NKAIN3: variants seen among roughly 807,000 people sequenced by gnomAD.
NKAIN3 encodes the protein sodium/potassium transporting ATPase interacting 3.
In NKAIN3, 25 loss-of-function variants were observed where a neutral mutation model predicts 30.2. The ratio of observed to expected loss-of-function variants is 0.83; its 90% CI spans 0.60 to 1.16. The LOEUF (loss-of-function observed/expected upper bound fraction) is 1.16, where lower values mean the gene tolerates loss of function less well. Ranked by LOEUF, NKAIN3 falls within the 50% of genes most tolerant of loss-of-function variation. The pLI is 0.00. For missense variants in NKAIN3, 225 were observed against 254.1 expected, an observed-to-expected ratio of 0.89 and a Z score of 0.78; for synonymous variants, 91 against 89.6, an observed-to-expected ratio of 1.02 and a Z score of -0.09.
chr8:62,788,875 T>C (rs1817612153), intron 4 of NKAIN3, among the ~76,000 whole-genome samples: 1 of 152,204 alleles, frequency 6.6e-6, no homozygotes, highest in African/African-American at 2.4e-5. Flanking sequence ...GAGGGCTCTG[T>C]TCTGTTCCAT....
rs185449492 is a variant in NKAIN3 at position 62,414,590 on chromosome 8, A to C, written c.55-164949A>C. On this transcript the variant is annotated intron_variant, in intron 1 of 6. Transcript: ENST00000623646. The stretch of plus-strand genomic sequence containing the variant: ...TCAACTTTTCTAGATATTTTCTATA[A>C]ATTGGATCCAATAAAGTACAATAAA... 2.4e-3 allele frequency among the ~76,000 whole-genome samples: 363 copies of C among 152,266 alleles called. 2 individuals carry two copies. Among genetic ancestry groups the C allele is most frequent in the African/African-American group, 8.5e-3 (352 of 41,568 alleles).
At position 62,313,289 on chromosome 8, in the gene NKAIN3, G is replaced by A. The variant is rs57423424; in HGVS notation, c.54+64162G>A. On this transcript the variant is annotated intron_variant, in intron 1 of 6. Transcript: ENST00000623646. ...AATCAAGAATTTCCTTTAGGAAATC[G>A]TTCTGCAGATTGAATGAAGTGAGGT... 9.1e-3 allele frequency among the ~76,000 whole-genome samples: 1,381 copies of A among 152,150 alleles called. 30 individuals carry two copies. Among genetic ancestry groups the A allele is most frequent in the African/African-American group, 0.031 (1,303 of 41,506 alleles).
chr8:62,435,300 G>A (rs1158932755), intron 1 of NKAIN3, among the ~76,000 whole-genome samples: 1 of 152,038 alleles, frequency 6.6e-6, no homozygotes, highest in Non-Finnish European at 1.5e-5. Context: ...CTGACTCATA[G>A]CAGCATCAGA....
chr8:62,307,957 A>G (rs1469919569), intron 1 of NKAIN3, among the ~76,000 whole-genome samples: 1 of 150,438 alleles, frequency 6.6e-6, no homozygotes, highest in Middle Eastern at 3.4e-3. Context: ...AGAGCTGGTC[A>G]GAAGTGATTG....
intron 3 of NKAIN3, among the ~76,000 whole-genome samples, chr8:62,694,975 T>C (rs1814106021): frequency 6.6e-6 from 1 of 152,178 alleles, no homozygotes; most frequent in Admixed American, 6.5e-5. Flanking sequence ...TCCATATCTC[T>C]GTAAATATTG....
At chr8:62,911,172 G>A (rs759929105) in intron 4 of NKAIN3, among the ~76,000 whole-genome samples, 3 of 152,054 alleles carry the variant, frequency 2.0e-5, no homozygotes, top group Non-Finnish European at 4.4e-5. Context: ...AAAGAGGGAG[G>A]CAATGTATTA....
At chr8:62,901,678 G>A (rs1275586959) in intron 4 of NKAIN3, among the ~76,000 whole-genome samples, 1 of 152,154 alleles carries the variant, frequency 6.6e-6, no homozygotes, top group African/African-American at 2.4e-5. Flanking sequence ...AGTTAGGAAG[G>A]CCATGAAACA....
rs1315718191 is a variant in NKAIN3 at position 62,971,671 on chromosome 8, G to A, written c.*6264G>A. 6.6e-6 allele frequency among the ~76,000 whole-genome samples: 1 copy of A among 151,768 alleles called. No homozygotes were observed. The highest frequency in any genetic ancestry group is 2.4e-5 in the African/African-American group (1 of 41,302). ...GGGGGGCTTCATTTATTAGTAAGAA[G>A]GAAAAATATTTATAAAATCATACTT... On this transcript the variant is annotated 3_prime_UTR_variant, in exon 7 of 7. Transcript: ENST00000623646.
At chr8:62,577,509 T>C (rs1810151765) in intron 1 of NKAIN3, among the ~76,000 whole-genome samples, 1 of 148,012 alleles carries the variant, frequency 6.8e-6, no homozygotes, top group Non-Finnish European at 1.5e-5. Context: ...TCTGAATGAA[T>C]GGCCTGCAGC....
intron 4 of NKAIN3, among the ~76,000 whole-genome samples, chr8:62,782,758 T>C (rs570620167): frequency 6.7e-6 from 1 of 148,514 alleles, no homozygotes; most frequent in South Asian, 2.2e-4. Context: ...ACACAGAGAA[T>C]AGAATGATAC....
chr8:62,859,390 C>T (rs1422168898), intron 4 of NKAIN3, among the ~76,000 whole-genome samples: 1 of 151,754 alleles, frequency 6.6e-6, no homozygotes, highest in Non-Finnish European at 1.5e-5. Context: ...CTTTATTCTA[C>T]TTTGACCACC....
At chr8:62,289,299 A>G (rs1813494357) in intron 1 of NKAIN3, among the ~76,000 whole-genome samples, 1 of 152,122 alleles carries the variant, frequency 6.6e-6, no homozygotes, top group African/African-American at 2.4e-5. Flanking sequence ...TTGGTGTTTT[A>G]GTCATGAAGT....
At chr8:62,702,271 T>A (rs989235018) in intron 3 of NKAIN3, among the ~76,000 whole-genome samples, 7 of 152,186 alleles carry the variant, frequency 4.6e-5, no homozygotes, top group Non-Finnish European at 7.3e-5. Context: ...TGTATTATAT[T>A]TGACATAAAT....
intron 4 of NKAIN3, among the ~76,000 whole-genome samples, chr8:62,799,355 AC>A (rs1817979541): frequency 6.6e-6 from 1 of 152,310 alleles, no homozygotes; most frequent in East Asian, 1.9e-4. Flanking sequence ...CAAGAAAAAA[AC>A]AAACAATTGC....
At chr8:62,622,199 C>T (rs1811638926) in intron 3 of NKAIN3, among the ~76,000 whole-genome samples, 1 of 151,854 alleles carries the variant, frequency 6.6e-6, no homozygotes, top group South Asian at 2.1e-4. Context: ...CAAAGGATAT[C>T]TTGGTTCTTT....
chr8:62,257,631 T>C (rs1812305046), intron 1 of NKAIN3, among the ~76,000 whole-genome samples: 1 of 152,228 alleles, frequency 6.6e-6, no homozygotes, highest in Non-Finnish European at 1.5e-5. Context: ...TCTCCAGGTC[T>C]GCATCCTCAG....
At chr8:62,687,877 C>G (rs935026849) in intron 3 of NKAIN3, among the ~76,000 whole-genome samples, 1 of 152,212 alleles carries the variant, frequency 6.6e-6, no homozygotes, top group Non-Finnish European at 1.5e-5. Flanking sequence ...TCTCTGATTG[C>G]TGTTCTGTAG....
intron 4 of NKAIN3, among the ~76,000 whole-genome samples, chr8:62,807,973 A>C (rs1339121309): frequency 6.6e-6 from 1 of 152,042 alleles, no homozygotes; most frequent in African/African-American, 2.4e-5. Context: ...AATTATTTTC[A>C]AATTTTAAAA....
At position 62,649,875 on chromosome 8, in the gene NKAIN3, C is replaced by A. The variant is rs531921241; in HGVS notation, c.273+60081C>A. ...CCAGTGCTTCCAGAGTCCAAACAGG[C>A]CCCATCTATTTTAAACAACTGCAAA... is the stretch of plus-strand genomic sequence containing the variant. On this transcript the variant is annotated intron_variant, in intron 3 of 6. Coordinates refer to ENST00000623646, the MANE Select transcript of NKAIN3 (RefSeq NM_001304533.3). 2.6e-3 allele frequency among the ~76,000 whole-genome samples: 394 copies of A among 152,216 alleles called. 3 individuals carry two copies. The highest frequency in any genetic ancestry group is 8.6e-3 in the African/African-American group (356 of 41,540).
Sources: allele counts gnomAD v4.1 joint callset (sites outside exome capture counted in the v4.1 genomes callset), GRCh38; gene constraint gnomAD v4.1.1; transcripts MANE v1.5; gene names NCBI Gene and HGNC (gene_info 2026-07-23, HGNC 2026-07-21).